Variants in PPP2R2C observed in about 807,000 individuals in gnomAD.
PPP2R2C encodes the protein protein phosphatase 2, regulatory subunit B, gamma.
PPP2R2C carries 10 observed loss-of-function variants against 45.3 expected under a neutral mutation model. That is an observed-to-expected ratio of 0.22 (90% CI 0.14 to 0.37). The LOEUF (loss-of-function observed/expected upper bound fraction) is 0.37, where lower values mean the gene tolerates loss of function less well. PPP2R2C is among the 10% of genes least tolerant of loss of function. The pLI is 1.00. For missense variants in PPP2R2C, 308 were observed against 619.7 expected (o/e 0.50, Z 5.34); for synonymous variants, 257 against 245.4 (o/e 1.05, Z -0.44).
intron 2 of PPP2R2C, among the ~76,000 whole-genome samples, chr4:6,511,319 T>C (rs1723455422): frequency 6.6e-6 from 1 of 151,920 alleles, no homozygotes; most frequent in Non-Finnish European, 1.5e-5. Context: ...GTATTGATGG[T>C]GGTGATGATA....
chr4:6,422,970 T>G (rs560791643), intron 1 of PPP2R2C, among the ~76,000 whole-genome samples: 2 of 152,272 alleles, frequency 1.3e-5, no homozygotes, highest in African/African-American at 4.8e-5. Flanking sequence ...ATATTCTACA[T>G]GCACCAACCC....
intron 2 of PPP2R2C, chr4:6,379,971 C>G (rs748314139): frequency 2.6e-5 from 4 of 152,458 alleles, no homozygotes; most frequent in Admixed American, 1.3e-4. Flanking sequence ...CCTACCTCCC[C>G]TTCTCCACCT....
chr4:6,362,725 C>T (rs952036552), intron 5 of PPP2R2C, among the ~76,000 whole-genome samples: 47 of 152,288 alleles, frequency 3.1e-4, no homozygotes, highest in African/African-American at 7.9e-4. Context: ...AATGCAACAG[C>T]GGCATCTTGC....
In PPP2R2C at chr4:6,532,047, G is replaced by C. The variant is rs1269933524; in HGVS notation, c.49+3224C>G. Among the ~76,000 whole-genome samples, 5 of 152,332 alleles carry C rather than the reference G, an allele frequency of 3.3e-5. No individual in the cohort carries two copies. In the East Asian group the frequency reaches 9.7e-4, roughly 29 times the overall value. On this transcript the variant is annotated intron_variant, in intron 2 of 9. Transcript: ENST00000506140. ...TCCAGTGCTTTGCAAAGGGCAGGAG[G>C]CTGGCCCTGTGACATTGTCAGGAAG...
At chr4:6,339,361 G>A (rs963098211) in intron 6 of PPP2R2C, among the ~76,000 whole-genome samples, 5 of 152,252 alleles carry the variant, frequency 3.3e-5, no homozygotes, top group African/African-American at 1.2e-4. Context: ...GCAGAGAGAA[G>A]CTTGTGCAGC....
rs559786047 is a variant in PPP2R2C at position 6,340,345 on chromosome 4, A to T, written c.791-6614T>A. Among the ~76,000 whole-genome samples, 65 of 152,064 alleles carry T rather than the reference A, an allele frequency of 4.3e-4. 1 individual carries two copies. The South Asian group carries it at 0.013, about 31-fold the overall frequency. ...CGCCCCCATTCCCAGGCTCTTTCTCATCCAGGGACACCTCTCCTGACCCCT... is the reference window on the plus strand; with the variant it reads ...CGCCCCCATTCCCAGGCTCTTTCTCTTCCAGGGACACCTCTCCTGACCCCT... On this transcript the variant is annotated intron_variant, in intron 6 of 8. Coordinates refer to ENST00000382599, the MANE Select transcript of PPP2R2C (RefSeq NM_020416.4).
intron 1 of PPP2R2C, among the ~76,000 whole-genome samples, chr4:6,546,694 C>T (rs1387007322): frequency 6.6e-6 from 1 of 152,180 alleles, no homozygotes; most frequent in African/African-American, 2.4e-5. Flanking sequence ...TGTTCGTTTT[C>T]AAAGGAACAG....
rs187530880 is a variant in PPP2R2C, at chr4:6,329,729, C to T, written c.961-376G>A. 2.0e-5 allele frequency among the ~76,000 whole-genome samples: 3 copies of T among 152,168 alleles called. No homozygotes were observed. The highest frequency in any genetic ancestry group is 4.4e-5 in the Non-Finnish European group (3 of 68,010). On this transcript the variant is annotated intron_variant, in intron 7 of 8. Transcript: ENST00000382599. This position sits in a 1 kb window ranked among gnomAD's most constrained non-coding sequence, Gnocchi z 5.8. ...CTGACCTCTGAGCTGTGGCCAGAGA[C>T]GGGAGTAGCACCAGGGAGCAGAGTC... is the stretch of plus-strand genomic sequence containing the variant.
At chr4:6,399,397 G>C (rs1242900329) in intron 1 of PPP2R2C, among the ~76,000 whole-genome samples, 2 of 152,196 alleles carry the variant, frequency 1.3e-5, no homozygotes, top group African/African-American at 4.8e-5. Flanking sequence ...CACCACCCAA[G>C]CAATCGCATT....
At chr4:6,557,675 A>G (rs1378166347) in intron 1 of PPP2R2C, among the ~76,000 whole-genome samples, 6 of 152,192 alleles carry the variant, frequency 3.9e-5, no homozygotes, top group Non-Finnish European at 8.8e-5. Flanking sequence ...AGCAGAGGTC[A>G]GCATGGTTAT....
In PPP2R2C at chr4:6,324,843, G is replaced by C. The variant is rs929362246; in HGVS notation, c.1053-1250C>G. Among the ~76,000 whole-genome samples the C allele has an allele frequency of 1.3e-5, 2 of 152,228 alleles. No individual in the cohort carries two copies. Among genetic ancestry groups the C allele is most frequent in the East Asian group, 3.9e-4 (2 of 5,192 alleles). On this transcript the variant is annotated intron_variant, in intron 8 of 8. Transcript: ENST00000382599. The surrounding 1 kb of genome is among the most constrained non-coding windows in gnomAD (Gnocchi z 4.1). ...GGCCTGCGCCCAGAGGGAGGGTTTT[G>C]GGGTTTGGCCTCTGCAGGGCCCTGG... is the stretch of plus-strand genomic sequence containing the variant.
chr4:6,537,553 T>G (rs897205994), intron 1 of PPP2R2C, among the ~76,000 whole-genome samples: 1 of 68,918 alleles, frequency 1.5e-5, no homozygotes, highest in African/African-American at 4.1e-5. Context: ...GATTTTTTGT[T>G]TTTTTTTTTT....
chr4:6,451,020 T>A (rs1720708344), intron 1 of PPP2R2C, among the ~76,000 whole-genome samples: 1 of 152,184 alleles, frequency 6.6e-6, no homozygotes, highest in African/African-American at 2.4e-5. Context: ...AGTGAACATG[T>A]GTTGAATAAA....
intron 1 of PPP2R2C, among the ~76,000 whole-genome samples, chr4:6,394,578 A>C (rs1181536016): frequency 6.6e-6 from 1 of 152,200 alleles, no homozygotes; most frequent in Non-Finnish European, 1.5e-5. Context: ...CATTTGCAAA[A>C]TGGCAATAAG....
intron 1 of PPP2R2C, among the ~76,000 whole-genome samples, chr4:6,393,806 T>C (rs561101448): frequency 4.9e-4 from 75 of 152,300 alleles, no homozygotes; most frequent in African/African-American, 1.7e-3. Context: ...GTTGTGGATT[T>C]GTCTGTGGTC....
rs147964936 is a variant in PPP2R2C at position 6,429,537 on chromosome 4, G to A, written c.70+42623C>T. Among the ~76,000 whole-genome samples the A allele has an allele frequency of 6.9e-3, 1,055 of 152,258 alleles. 11 individuals are homozygous for A. The highest frequency in any genetic ancestry group is 0.023 in the African/African-American group (970 of 41,550). ...AGTGAATGTCAACAGTATGGGTTGG[G>A]GATGATCTCAGAGAGGCGGTGGTGA... On this transcript the variant is annotated intron_variant, in intron 1 of 8. Coordinates refer to ENST00000382599, the MANE Select transcript of PPP2R2C (RefSeq NM_020416.4).
chr4:6,409,608 G>C (rs1718017630), intron 1 of PPP2R2C, among the ~76,000 whole-genome samples: 1 of 152,080 alleles, frequency 6.6e-6, no homozygotes, highest in Non-Finnish European at 1.5e-5. Context: ...ATCGTCACTG[G>C]CCAGAGAGTA....
chr4:6,346,398 TC>T (rs1199243095), intron 6 of PPP2R2C, among the ~76,000 whole-genome samples: 1 of 152,080 alleles, frequency 6.6e-6, no homozygotes, highest in Non-Finnish European at 1.5e-5. Flanking sequence ...CCTCAGGGTG[TC>T]CGTTCCACTG....
intron 2 of PPP2R2C, among the ~76,000 whole-genome samples, chr4:6,534,881 G>C (rs1724550203): frequency 6.6e-6 from 1 of 152,246 alleles, no homozygotes; most frequent in Admixed American, 6.5e-5. Flanking sequence ...CTTGCCCACT[G>C]CTGCGACCCC....
Sources: gnomAD v4.1 joint callset for allele counts (sites outside exome capture counted in the v4.1 genomes callset) on GRCh38, gnomAD v4.1.1 for gene constraint, Gnocchi (gnomAD v3.1) non-coding constraint, MANE v1.5 for transcripts, NCBI Gene and HGNC (gene_info 2026-07-23, HGNC 2026-07-21) for gene names.